Variants in TMEM196 observed in about 807,000 individuals in gnomAD.
The protein encoded by TMEM196 is transmembrane protein 196.
TMEM196 carries 17 observed loss-of-function variants against 20.0 expected under a neutral mutation model. The ratio of observed to expected loss-of-function variants is 0.85; its 90% CI spans 0.58 to 1.27. TMEM196 has a LOEUF of 1.27. TMEM196 is among the 50% of genes most tolerant of loss of function. The pLI, the probability that TMEM196 is intolerant of heterozygous loss-of-function variation, is 0.00. For missense variants in TMEM196, 267 were observed against 223.0 expected (o/e 1.20, Z -1.26); for synonymous variants, 113 against 88.9 (o/e 1.27, Z -1.52).
Position 19,773,005 on chromosome 7 carries a change from G to T in TMEM196, c.-309C>A, listed in dbSNP as rs1477263868. On this transcript the variant is annotated 5_prime_UTR_variant, in exon 1 of 5. Coordinates refer to ENST00000405844, the MANE Select transcript of TMEM196 (RefSeq NM_001363562.2). ...CTTTTAAGCAGCGGAAAACCTGGAG[G>T]AGCCCAGGGAGCTCCGAGCCTTGCT... 2 of 232,292 alleles carry T rather than the reference G, an allele frequency of 8.6e-6. No homozygotes were observed. The highest frequency in any genetic ancestry group is 8.3e-6 in the Non-Finnish European group (1 of 120,600). The allele number at this position is 232,292 out of a possible 1,614,324, so 14.4% of individuals were successfully genotyped here.
Position 19,719,585 on chromosome 7 carries a change from C to A in TMEM196, c.*2543G>T, listed in dbSNP as rs1052703082. ...AATTTAGTATCACCTTACTTTCTTC[C>A]AAGGGTAGGCTCATACTAAAACTAT... On this transcript the variant is annotated 3_prime_UTR_variant, in exon 5 of 5. Transcript: ENST00000405844. 1 of 151,984 alleles carries A rather than the reference C, an allele frequency of 6.6e-6. No individual in the cohort carries two copies. The highest frequency in any genetic ancestry group is 1.5e-5 in the Non-Finnish European group (1 of 67,920). 9.4% of individuals were successfully genotyped at this position (151,984 alleles called of 1,614,324 possible). A position where few individuals can be genotyped will look rare whatever the true frequency, so the allele number is the denominator to read the frequency against.
At chr7:19,731,297 C>A (rs564145959) in intron 1 of TMEM196, among the ~76,000 whole-genome samples, 1 of 152,250 alleles carries the variant, frequency 6.6e-6, no homozygotes, top group East Asian at 1.9e-4. Context: ...AACCTGAATA[C>A]TTGCATAATT....
intron 1 of TMEM196, among the ~76,000 whole-genome samples, chr7:19,750,655 C>T (rs900989513): frequency 6.6e-6 from 1 of 152,012 alleles, no homozygotes; most frequent in Non-Finnish European, 1.5e-5. Flanking sequence ...ATGGGGTCTA[C>T]AGTGCTTAGC....
chr7:19,738,533 A>G (rs1562613679), intron 1 of TMEM196, among the ~76,000 whole-genome samples: 1 of 152,074 alleles, frequency 6.6e-6, no homozygotes, highest in African/African-American at 2.4e-5. Flanking sequence ...CTTCTCCTAT[A>G]AAAGGAACCA....
rs544267858 is a variant in TMEM196 at position 19,720,437 on chromosome 7, C to T, written c.*1691G>A. ...ATGTTTTGTTTATAAATTATATTCT[C>T]ATACTGAACAGTAAATATTTTAATT... On this transcript the variant is annotated 3_prime_UTR_variant, in exon 5 of 5. Coordinates refer to ENST00000405844, the MANE Select transcript of TMEM196 (RefSeq NM_001363562.2). The T allele has an allele frequency of 3.9e-5, 6 of 152,018 alleles. No homozygotes were observed. Among genetic ancestry groups the T allele is most frequent in the South Asian group, 4.2e-4 (2 of 4,816 alleles). The allele number at this position is 152,018 out of a possible 1,614,324, so 9.4% of individuals were successfully genotyped here.
At position 19,732,931 on chromosome 7, in the gene TMEM196, A is replaced by G. The variant is rs546621079; in HGVS notation, c.148-3493T>C. Among the ~76,000 whole-genome samples the G allele has an allele frequency of 2.6e-5, 4 of 152,354 alleles. No individual in the cohort carries two copies. The East Asian group carries it at 7.7e-4, about 29-fold the overall frequency. ...TTATTAAGCAAGTAAAAAACAAATTAGCTAAAAAAGTAAAGCTGATAGCTG... is the reference window on the plus strand; with the variant it reads ...TTATTAAGCAAGTAAAAAACAAATTGGCTAAAAAAGTAAAGCTGATAGCTG... On this transcript the variant is annotated intron_variant, in intron 1 of 4. Transcript: ENST00000405844.
chr7:19,725,412 TG>T (rs1783959715), intron 3 of TMEM196, 101 bp downstream of exon 3: 1 of 1,425,084 alleles, frequency 7.0e-7, no homozygotes, highest in African/African-American at 1.4e-5. Flanking sequence ...GTATAAAATC[TG>T]ATTCCTCAAA....
intron 1 of TMEM196, among the ~76,000 whole-genome samples, chr7:19,759,668 A>G (rs986617598): frequency 4.6e-5 from 7 of 151,992 alleles, no homozygotes; most frequent in African/African-American, 1.7e-4. Context: ...ACACACACAC[A>G]TGCACACAGA....
chr7:19,737,360 A>G (rs1224483032), intron 1 of TMEM196, among the ~76,000 whole-genome samples: 1 of 152,078 alleles, frequency 6.6e-6, no homozygotes, highest in Non-Finnish European at 1.5e-5. Context: ...CATTTGCTAC[A>G]TATAGGAATA....
chr7:19,745,443 G>A (rs1784718560), intron 1 of TMEM196, among the ~76,000 whole-genome samples: 2 of 151,956 alleles, frequency 1.3e-5, no homozygotes, highest in Non-Finnish European at 2.9e-5. Context: ...GGTTGATAAT[G>A]AGTATGCCTG....
intron 1 of TMEM196, among the ~76,000 whole-genome samples, chr7:19,753,817 A>G (rs1293154192): frequency 6.6e-6 from 1 of 152,164 alleles, no homozygotes; most frequent in Non-Finnish European, 1.5e-5. Context: ...GTGCTTAGAA[A>G]CCAACATTCT....
intron 1 of TMEM196, among the ~76,000 whole-genome samples, chr7:19,734,492 A>G (rs1210134591): frequency 1.3e-5 from 2 of 152,230 alleles, no homozygotes; most frequent in Admixed American, 6.5e-5. Context: ...CAGATTATCC[A>G]GGGATGCCTT....
At chr7:19,736,189 G>A (rs759708405) in intron 1 of TMEM196, among the ~76,000 whole-genome samples, 18 of 151,496 alleles carry the variant, frequency 1.2e-4, no homozygotes, top group Admixed American at 5.3e-4. Context: ...AGGTTATTTC[G>A]TGGTTCAACA....
chr7:19,758,728 C>G (rs1785313317), intron 1 of TMEM196, among the ~76,000 whole-genome samples: 1 of 152,192 alleles, frequency 6.6e-6, no homozygotes, highest in Admixed American at 6.5e-5. Flanking sequence ...ACTCAGAATT[C>G]TATCCCTTCT....
chr7:19,727,765 T>G (rs1023979395), intron 2 of TMEM196, among the ~76,000 whole-genome samples: 7 of 152,198 alleles, frequency 4.6e-5, no homozygotes, highest in Admixed American at 6.5e-5. Flanking sequence ...TTTGCTGATG[T>G]CATTCTGATT....
chr7:19,726,430 T>A (rs1015967572), intron 2 of TMEM196, among the ~76,000 whole-genome samples: 3 of 152,344 alleles, frequency 2.0e-5, no homozygotes, highest in African/African-American at 7.2e-5. Context: ...GTGCATGTAT[T>A]TCCTAAGCAA....
chr7:19,749,775 C>A (rs1184983937), intron 1 of TMEM196, among the ~76,000 whole-genome samples: 1 of 152,136 alleles, frequency 6.6e-6, no homozygotes, highest in Non-Finnish European at 1.5e-5. Flanking sequence ...TCCAAATACA[C>A]AACACTCACA....
At chr7:19,746,058 C>G (rs756604755) in intron 1 of TMEM196, among the ~76,000 whole-genome samples, 1 of 152,088 alleles carries the variant, frequency 6.6e-6, no homozygotes, top group African/African-American at 2.4e-5. Flanking sequence ...GAAGCTAATA[C>G]TACTAAAAGT....
chr7:19,725,842 T>G lies in TMEM196; in HGVS notation c.205-74A>C, dbSNP rs1210220892. 6 of 1,486,434 alleles carry G rather than the reference T, an allele frequency of 4.0e-6. No individual in the cohort carries two copies. In the African/African-American group the frequency reaches 7.0e-5, roughly 17 times the overall value. The allele number at this position is 1,486,434 out of a possible 1,614,324, so 92.1% of individuals were successfully genotyped here. The stretch of plus-strand genomic sequence containing the variant: ...CCAGAACACAGTTGCCCTGTCCGGC[T>G]GCATGTCAAGGATGACTAGCCTACA... On this transcript the variant is annotated intron_variant, in intron 2 of 4. Coordinates refer to ENST00000405844, the MANE Select transcript of TMEM196 (RefSeq NM_001363562.2).
Sources: gnomAD v4.1 joint callset for allele counts (sites outside exome capture counted in the v4.1 genomes callset) on GRCh38, gnomAD v4.1.1 for gene constraint, MANE v1.5 for transcripts, NCBI Gene and HGNC (gene_info 2026-07-23, HGNC 2026-07-21) for gene names.